ARAP2: variants seen among roughly 807,000 people sequenced by gnomAD.
ARAP2 encodes arf-GAP with Rho-GAP domain, ANK repeat and PH domain-containing protein 2.
Under a neutral mutation model 194.5 loss-of-function variants are expected in ARAP2, and 148 were observed. The ratio of observed to expected loss-of-function variants is 0.76; its 90% CI spans 0.67 to 0.87. The LOEUF (loss-of-function observed/expected upper bound fraction) is 0.87. Ranked by LOEUF, ARAP2 falls within the 40% of genes least tolerant of loss-of-function variation. The probability of loss-of-function intolerance (pLI) is 0.00; values close to 1 mark genes in which losing one functional copy is unlikely to be tolerated. For synonymous variants in ARAP2, 695 were observed against 683.5 expected, an observed-to-expected ratio of 1.02 and a Z score of -0.26; for missense variants, 2,128 against 1,989.7, an observed-to-expected ratio of 1.07 and a Z score of -1.32.
chr4:36,204,373 A>G (rs1578264664), intron 6 of ARAP2, among the ~76,000 whole-genome samples: 1 of 150,124 alleles, frequency 6.7e-6, no homozygotes, highest in Non-Finnish European at 1.5e-5. Flanking sequence ...TTTAGGGGGG[A>G]AAAAAAGACA....
chr4:36,077,630 G>C (rs2109332614), intron 31 of ARAP2, among the ~76,000 whole-genome samples: 1 of 152,122 alleles, frequency 6.6e-6, no homozygotes, highest in South Asian at 2.1e-4. Context: ...CCTAGTCTGA[G>C]TTGACATCTT....
chr4:36,027,935 T>C (rs948759738), intron 5 of ARAP2, among the ~76,000 whole-genome samples: 8 of 152,164 alleles, frequency 5.3e-5, no homozygotes, highest in Admixed American at 4.6e-4. Flanking sequence ...CAGCCAGTCC[T>C]CTTCAGGAAC....
intron 27 of ARAP2, 32 bp from the exon 28 acceptor site, chr4:36,092,052 G>T: frequency 6.8e-7 from 1 of 1,461,406 alleles, no homozygotes; most frequent in South Asian, 1.5e-5. Flanking sequence ...TTGTGAGTTG[G>T]GTACGTTTTT....
At chr4:36,210,248 T>A (rs1746449310) in intron 6 of ARAP2, 142 bp downstream of exon 6, 3 of 697,502 alleles carry the variant, frequency 4.3e-6, no homozygotes, top group Non-Finnish European at 4.6e-6. Context: ...AAAAGTGTGC[T>A]GAAAGTCCCT....
chr4:36,203,183 T>G (rs950694720), intron 6 of ARAP2, among the ~76,000 whole-genome samples: 38 of 152,152 alleles, frequency 2.5e-4, no homozygotes, highest in Non-Finnish European at 5.9e-5. Context: ...CAGGAGGTTT[T>G]GGGGCTGGGA....
chr4:36,114,571 T>A (rs993285948), intron 25 of ARAP2, among the ~76,000 whole-genome samples: 1 of 152,044 alleles, frequency 6.6e-6, no homozygotes, highest in Non-Finnish European at 1.5e-5. Flanking sequence ...CTAATTACAT[T>A]CGGAATGACC....
chr4:36,166,857 C>A, intron 10 of ARAP2, 75 bp downstream of exon 10: 1 of 778,660 alleles, frequency 1.3e-6, no homozygotes, highest in Non-Finnish European at 1.9e-6. Context: ...GAAAAATCAC[C>A]ACGAACAACA....
chr4:36,155,486 CCAGAAGAGG>C (rs1392748474), intron 15 of ARAP2, among the ~76,000 whole-genome samples: 10 of 151,856 alleles, frequency 6.6e-5, no homozygotes, highest in Admixed American at 6.6e-4. Context: ...GTGAAAAGGT[CCAGAAGAGG>C]CAGAAAAGGA....
chr4:36,075,333 G>T (rs922204202), intron 31 of ARAP2, among the ~76,000 whole-genome samples: 8 of 152,018 alleles, frequency 5.3e-5, no homozygotes, highest in Non-Finnish European at 1.2e-4. Flanking sequence ...GAACTAAGAG[G>T]CATTTTTTTC....
intron 1 of ARAP2, among the ~76,000 whole-genome samples, chr4:36,239,428 C>G (rs1408716678): frequency 6.6e-6 from 1 of 151,986 alleles, no homozygotes; most frequent in Non-Finnish European, 1.5e-5. Context: ...GGTATATACA[C>G]AAAATGAAAT....
chr4:36,053,283 C>T (rs1173615615), intron 2 of ARAP2, among the ~76,000 whole-genome samples: 1 of 151,730 alleles, frequency 6.6e-6, no homozygotes, highest in Non-Finnish European at 1.5e-5. Context: ...GAATTACAGG[C>T]ATGAGCCACC....
At chr4:36,146,787 A>G (rs960506594) in intron 19 of ARAP2, among the ~76,000 whole-genome samples, 5 of 152,014 alleles carry the variant, frequency 3.3e-5, no homozygotes, top group Non-Finnish European at 7.4e-5. Context: ...AATAATATAC[A>G]TGTTTCATGA....
intron 5 of ARAP2, among the ~76,000 whole-genome samples, chr4:36,020,084 G>C (rs2109336443): frequency 6.6e-6 from 1 of 152,188 alleles, no homozygotes; most frequent in Middle Eastern, 3.4e-3. Context: ...GTAAAATAAG[G>C]GTGGCTTAAA....
intron 11 of ARAP2, among the ~76,000 whole-genome samples, chr4:36,161,793 CAAAAAAAAAAAAAAAAA>C (rs869193087): frequency 1.0e-5 from 1 of 99,464 alleles, no homozygotes; most frequent in African/African-American, 4.2e-5. Flanking sequence ...TCTGCACTGA[CAAAAAAAAAAAAAAAAA>C]AAAAAAAAAA....
intron 19 of ARAP2, among the ~76,000 whole-genome samples, chr4:36,136,814 T>C (rs867994899): frequency 0.025 from 3,305 of 132,038 alleles, 51 homozygotes; most frequent in Middle Eastern, 0.045. Flanking sequence ...TGTGTGTGTG[T>C]GTGTGCGTGT....
intron 5 of ARAP2, among the ~76,000 whole-genome samples, chr4:36,042,954 T>C: frequency 6.6e-6 from 1 of 152,226 alleles, no homozygotes; most frequent in East Asian, 1.9e-4. Context: ...GCAATTCTCC[T>C]GCCTCAGCCT....
At chr4:36,121,146 C>A (rs776795287) in intron 23 of ARAP2, 33 bp downstream of exon 23, 5 of 1,506,114 alleles carry the variant, frequency 3.3e-6, no homozygotes, top group African/African-American at 1.4e-5. Context: ...ACATTATAAC[C>A]ATTTTAACAA....
chr4:36,153,289 G>T (rs1321854804), intron 15 of ARAP2, among the ~76,000 whole-genome samples: 2 of 152,112 alleles, frequency 1.3e-5, no homozygotes, highest in Admixed American at 6.5e-5. Flanking sequence ...CATTCCCATT[G>T]ATATGGGAAG....
intron 21 of ARAP2, among the ~76,000 whole-genome samples, chr4:36,126,237 G>A (rs113342754): frequency 2.4e-4 from 36 of 152,028 alleles, no homozygotes; most frequent in African/African-American, 7.9e-4. Flanking sequence ...TTATCCTCGC[G>A]TTATCCAGTT....
Sources: gnomAD v4.1 joint callset for allele counts (sites outside exome capture counted in the v4.1 genomes callset) on GRCh38, gnomAD v4.1.1 for gene constraint, MANE v1.5 for transcripts, NCBI Gene and HGNC (gene_info 2026-07-23, HGNC 2026-07-21) for gene names.